The following PFKP variants were observed in gnomAD, a reference collection of about 807,000 sequenced individuals.
PFKP encodes the protein ATP-dependent 6-phosphofructokinase, platelet type.
Under a neutral mutation model 94.3 loss-of-function variants are expected in PFKP, and 101 were observed. The ratio of observed to expected loss-of-function variants is 1.07; its 90% confidence interval spans 0.91 to 1.26. PFKP has a LOEUF of 1.26. Ranked by LOEUF, PFKP falls within the 50% of genes most tolerant of loss-of-function variation. PFKP has a pLI of 0.00. For synonymous variants in PFKP, 573 were observed against 432.6 expected, an observed-to-expected ratio of 1.32 and a Z score of -4.03; for missense variants, 1,145 against 1,103.3, an observed-to-expected ratio of 1.04 and a Z score of -0.53.
At chr10:3,125,089 T>C (rs750336842) in intron 16 of PFKP, 1 of 1,263,250 alleles carries the variant, frequency 7.9e-7, no homozygotes, top group East Asian at 5.8e-5. Flanking sequence ...TTGGCCCTGC[T>C]GCTTCAGGCT....
rs1564311022 is a variant in PFKP at position 3,107,193 on chromosome 10, TTTAA to T, written c.775-18_775-15del. Reference sequence around the variant, plus strand: ...AGAACAGGATTAGGAATTTGAGAGCTTTAATTTTCTGTCTCCACAGAACCGTGCC... The same window carrying T: ...AGAACAGGATTAGGAATTTGAGAGCTTTTTCTGTCTCCACAGAACCGTGCC... On this transcript the variant is annotated splice_polypyrimidine_tract_variant and intron_variant, in intron 7 of 21. Transcript: ENST00000381125. 1 of 1,459,920 alleles carries T rather than the reference TTTAA, an allele frequency of 6.8e-7. No homozygotes were observed. The highest frequency in any genetic ancestry group is 2.3e-5 in the East Asian group (1 of 43,740). 90.4% of individuals were successfully genotyped at this position (1,459,920 alleles called of 1,614,324 possible). A position where few individuals can be genotyped will look rare whatever the true frequency, so the allele number is the denominator to read the frequency against.
intron 4 of PFKP, among the ~76,000 whole-genome samples, chr10:3,103,077 T>G (rs1160138480): frequency 6.6e-6 from 1 of 152,242 alleles, no homozygotes; most frequent in Non-Finnish European, 1.5e-5. Context: ...CACAGATGCA[T>G]GAGAAATCAG....
At position 3,106,471 on chromosome 10, in the gene PFKP, A is replaced by G. The variant is rs182997097; in HGVS notation, c.775-743A>G. Among the ~76,000 whole-genome samples the G allele has an allele frequency of 1.2e-3, 178 of 151,668 alleles. 2 individuals are homozygous for G. Among genetic ancestry groups the G allele is most frequent in the African/African-American group, 3.6e-3 (147 of 41,316 alleles). On this transcript the variant is annotated intron_variant, in intron 7 of 21. Transcript: ENST00000381125. ...TCCTTCCCCATGGGAACCCCTGTCA[A>G]TCACACCAGCACCCTCCACCTGGGG... is the stretch of plus-strand genomic sequence containing the variant.
chr10:3,104,550 G>C (rs139827136), intron 5 of PFKP, among the ~76,000 whole-genome samples: 1 of 152,214 alleles, frequency 6.6e-6, no homozygotes, highest in Admixed American at 6.5e-5. Context: ...CTCTGTGTGC[G>C]TGTCCTGTTC....
At position 3,136,648 on chromosome 10, in the gene PFKP, A is replaced by G; in HGVS notation, c.*69A>G. 6.5e-7 allele frequency: 1 copy of G among 1,546,242 alleles called. No individual in the cohort carries two copies. On this transcript the variant is annotated 3_prime_UTR_variant, in exon 22 of 22. Coordinates refer to ENST00000381125, the MANE Select transcript of PFKP (RefSeq NM_002627.5). ...GTTTTTGTAACACTTAAGTTATTTT[A>G]TCAGCACTTTATGCACGTATTATTG...
intron 16 of PFKP, among the ~76,000 whole-genome samples, chr10:3,121,579 C>CT (rs1837406411): frequency 3.5e-5 from 3 of 85,210 alleles, no homozygotes; most frequent in South Asian, 4.8e-4. Context: ...CTATAAATAA[C>CT]TGTTTTTTTT....
At chr10:3,102,402 TTTGTTTGA>T (rs1220620319) in intron 4 of PFKP, among the ~76,000 whole-genome samples, 2 of 150,484 alleles carry the variant, frequency 1.3e-5, no homozygotes, top group African/African-American at 4.9e-5. Context: ...TTATTTTTGT[TTTGTTTGA>T]TTGTTTGATT....
At chr10:3,093,494 C>G (rs949326235) in intron 2 of PFKP, among the ~76,000 whole-genome samples, 2 of 152,172 alleles carry the variant, frequency 1.3e-5, no homozygotes, top group Non-Finnish European at 2.9e-5. Flanking sequence ...CACTAACACG[C>G]GTGCGTGCTC....
In PFKP at chr10:3,135,638, T is replaced by G. The variant is rs1839177426; in HGVS notation, c.2123-98T>G. ...GGCTTCCAGGCCGGGTTCAGCATGG[T>G]TCTGAGGAATCTCAGTTCTCATCTC... On this transcript the variant is annotated intron_variant, in intron 20 of 21. Transcript: ENST00000381125. The G allele has an allele frequency of 8.0e-6, 6 of 750,732 alleles. No homozygotes were observed. In the Admixed American group the frequency reaches 1.3e-4, roughly 17 times the overall value. The allele number at this position is 750,732 out of a possible 1,614,324, so 46.5% of individuals were successfully genotyped here.
intron 2 of PFKP, among the ~76,000 whole-genome samples, chr10:3,088,006 TACATTA>T (rs1470828690): frequency 2.7e-5 from 4 of 149,230 alleles, no homozygotes; most frequent in African/African-American, 4.9e-5. Context: ...TTTTTTTTTT[TACATTA>T]TACTTTAAGT....
intron 1 of PFKP, among the ~76,000 whole-genome samples, chr10:3,074,471 G>T (rs1554756728): frequency 6.6e-6 from 1 of 152,180 alleles, no homozygotes; most frequent in Non-Finnish European, 1.5e-5. Flanking sequence ...TCCGATAAGG[G>T]TGGCTTTGTG....
At chr10:3,130,669 C>T (rs1371661870) in intron 17 of PFKP, among the ~76,000 whole-genome samples, 1 of 151,946 alleles carries the variant, frequency 6.6e-6, no homozygotes, top group Non-Finnish European at 1.5e-5. Flanking sequence ...AAGCGATTCA[C>T]CTGCCTTAGC....
chr10:3,123,503 T>A (rs1837629207), intron 16 of PFKP, among the ~76,000 whole-genome samples: 1 of 152,074 alleles, frequency 6.6e-6, no homozygotes, highest in East Asian at 1.9e-4. Flanking sequence ...GATTTCAATG[T>A]GGAGTTAAGC....
chr10:3,079,794 G>A (rs1483163830), intron 1 of PFKP, among the ~76,000 whole-genome samples: 8 of 152,058 alleles, frequency 5.3e-5, no homozygotes, highest in South Asian at 2.1e-4. Flanking sequence ...TGACCATAGC[G>A]TAAGGTCCTG....
chr10:3,095,475 T>C (rs942788549), intron 2 of PFKP, among the ~76,000 whole-genome samples: 12 of 152,232 alleles, frequency 7.9e-5, no homozygotes, highest in Non-Finnish European at 1.6e-4. Context: ...TGTCCGACGA[T>C]GGATCCGATA....
intron 4 of PFKP, among the ~76,000 whole-genome samples, chr10:3,102,597 T>C (rs777475493): frequency 6.6e-6 from 1 of 152,114 alleles, no homozygotes; most frequent in African/African-American, 2.4e-5. Flanking sequence ...ATTTTTTTAT[T>C]TATTTTTTAT....
intron 19 of PFKP, among the ~76,000 whole-genome samples, chr10:3,134,239 A>G (rs1838940910): frequency 6.6e-6 from 1 of 152,238 alleles, no homozygotes; most frequent in Admixed American, 6.5e-5. Context: ...TTTTAAAATA[A>G]TGAAGATTGT....
At chr10:3,112,897 G>A (rs1836395767) in intron 11 of PFKP, among the ~76,000 whole-genome samples, 1 of 152,220 alleles carries the variant, frequency 6.6e-6, no homozygotes, top group African/African-American at 2.4e-5. Flanking sequence ...AAGTGTAGAA[G>A]CGTGCCCTTT....
chr10:3,092,651 T>C (rs1487816931), intron 2 of PFKP, among the ~76,000 whole-genome samples: 2 of 151,438 alleles, frequency 1.3e-5, no homozygotes, highest in Non-Finnish European at 2.9e-5. Context: ...CCCACAAATA[T>C]GTAAAATTAT....
Sources: gnomAD v4.1 joint callset for allele counts (sites outside exome capture counted in the v4.1 genomes callset) on GRCh38, gnomAD v4.1.1 for gene constraint, MANE v1.5 for transcripts, NCBI Gene and HGNC (gene_info 2026-07-23, HGNC 2026-07-21) for gene names.